Variants in MTMR8 observed in about 807,000 individuals in gnomAD.
The protein encoded by MTMR8 is phosphatidylinositol-3,5-bisphosphate 3-phosphatase MTMR8.
Under a neutral mutation model 39.3 loss-of-function variants are expected in MTMR8, and 65 were observed. The observed-to-expected ratio is 1.65, with a 90% CI of 1.35 to 2.03. MTMR8 has a LOEUF of 2.03. MTMR8 is among the 30% of genes most tolerant of loss of function. The probability of loss-of-function intolerance (pLI) is 0.00; values close to 1 mark genes in which losing one functional copy is unlikely to be tolerated. For synonymous variants in MTMR8, 245 were observed against 185.2 expected (o/e 1.32, Z -2.62); for missense variants, 777 against 538.9 (o/e 1.44, Z -4.37).
At chrX:64,286,987 A>C (rs1204923157) in intron 12 of MTMR8, among the ~76,000 whole-genome samples, 8 of 111,423 alleles carry the variant, frequency 7.2e-5, no homozygotes, top group Admixed American at 2.9e-4. Flanking sequence ...AGAAAGAAAT[A>C]AAGGGTATTC....
rs192477578 is a variant in MTMR8 at position 64,331,909 on chromosome X, G to A, written c.1152-152C>T. On this transcript the variant is annotated intron_variant, in intron 10 of 13. Coordinates refer to ENST00000374852, the MANE Select transcript of MTMR8 (RefSeq NM_017677.4). ...AATGCCAGCCAGAATCTCAAAGCTA[G>A]TCAATCCCAGCAGACCTCTTAGCTG... The A allele has an allele frequency of 5.3e-5, 25 of 471,971 alleles. 1 individual carries two copies. In the African/African-American group the frequency reaches 5.3e-4, roughly 10 times the overall value. 38.9% of individuals were successfully genotyped at this position (471,971 alleles called of 1,213,427 possible).
At chrX:64,351,846 T>C (rs1364887754) in intron 4 of MTMR8, among the ~76,000 whole-genome samples, 1 of 111,226 alleles carries the variant, frequency 9.0e-6, no homozygotes, top group Non-Finnish European at 1.9e-5. Context: ...GCCTGCTTTT[T>C]CTAGCTGCAC....
intron 4 of MTMR8, among the ~76,000 whole-genome samples, chrX:64,352,374 TCA>T (rs1039222197): frequency 4.5e-5 from 5 of 111,428 alleles, no homozygotes; most frequent in African/African-American, 1.6e-4. Flanking sequence ...CGGTAATAAA[TCA>T]CAGTCATAAG....
chrX:64,288,141 G>T (rs1921262488), intron 12 of MTMR8, among the ~76,000 whole-genome samples: 1 of 98,388 alleles, frequency 1.0e-5, no homozygotes, highest in Non-Finnish European at 2.0e-5. Flanking sequence ...GAATCTAAAA[G>T]AACTCACAAA....
At chrX:64,382,161 G>A (rs980134268) in intron 1 of MTMR8, among the ~76,000 whole-genome samples, 3 of 111,547 alleles carry the variant, frequency 2.7e-5, no homozygotes, top group African/African-American at 6.5e-5. Context: ...TAGATTGATG[G>A]GGATGGCATT....
intron 12 of MTMR8, among the ~76,000 whole-genome samples, chrX:64,291,263 C>A (rs1448585154): frequency 9.0e-6 from 1 of 110,791 alleles, no homozygotes; most frequent in Non-Finnish European, 1.9e-5. Context: ...GCCTGCCTGT[C>A]TTGCATACCC....
intron 4 of MTMR8, among the ~76,000 whole-genome samples, chrX:64,352,990 T>A (rs1355505078): frequency 8.9e-6 from 1 of 111,840 alleles, no homozygotes; most frequent in Non-Finnish European, 1.9e-5. Context: ...CTTTATGATA[T>A]GGCTTCACTT....
intron 12 of MTMR8, among the ~76,000 whole-genome samples, chrX:64,282,754 A>G (rs980365744): frequency 9.0e-6 from 1 of 111,668 alleles, no homozygotes; most frequent in African/African-American, 3.3e-5. Flanking sequence ...GTATCAAAAT[A>G]CACTATCAGA....
At chrX:64,306,311 G>C (rs778131174) in intron 12 of MTMR8, 11 of 296,826 alleles carry the variant, frequency 3.7e-5, no homozygotes, top group Non-Finnish European at 6.7e-6. Context: ...CTTGTTCAGA[G>C]GTTCTAGATG....
chrX:64,287,882 A>T (rs1366386482), intron 12 of MTMR8, among the ~76,000 whole-genome samples: 3 of 105,579 alleles, frequency 2.8e-5, no homozygotes, highest in African/African-American at 6.8e-5. Context: ...AACCTAGACA[A>T]TACCTTTCAG....
At chrX:64,319,475 G>A (rs919733771) in intron 12 of MTMR8, among the ~76,000 whole-genome samples, 9 of 112,043 alleles carry the variant, frequency 8.0e-5, no homozygotes, top group Non-Finnish European at 1.3e-4. Context: ...TGAAGTCCTT[G>A]CCCATGCCTA....
At chrX:64,326,469 A>C (rs1012111296) in intron 12 of MTMR8, among the ~76,000 whole-genome samples, 1 of 111,998 alleles carries the variant, frequency 8.9e-6, no homozygotes, top group African/African-American at 3.2e-5. Context: ...ACATATACTT[A>C]GGGATAAGTT....
At chrX:64,269,065 G>A (rs773259890) in intron 13 of MTMR8, 22 bp from the exon 14 acceptor site, 31 of 1,192,285 alleles carry the variant, frequency 2.6e-5, no homozygotes, top group Non-Finnish European at 3.3e-5. Flanking sequence ...GCAAGAAAGG[G>A]TTGAGAAGAA....
chrX:64,360,908 T>C (rs1261009531), intron 1 of MTMR8, among the ~76,000 whole-genome samples: 1 of 110,819 alleles, frequency 9.0e-6, no homozygotes, highest in African/African-American at 3.3e-5. Context: ...AACAGAGAAA[T>C]AAGATGATAA....
chrX:64,319,877 G>A lies in MTMR8; in HGVS notation c.1481+8895C>T, dbSNP rs960940258. On this transcript the variant is annotated intron_variant, in intron 12 of 13. Coordinates refer to ENST00000374852, the MANE Select transcript of MTMR8 (RefSeq NM_017677.4). Reference sequence around the variant, plus strand: ...TGTTCTTTTGGCTTGGGATTGACTCGGTGATGCGGGCTCTTTTTTGGTTCC... The same window carrying A: ...TGTTCTTTTGGCTTGGGATTGACTCAGTGATGCGGGCTCTTTTTTGGTTCC... Among the ~76,000 whole-genome samples, 7 of 111,011 alleles carry A rather than the reference G, an allele frequency of 6.3e-5. No homozygotes were observed. In the East Asian group the frequency reaches 8.4e-4, roughly 13 times the overall value.
At chrX:64,381,676 C>T (rs938872328) in intron 1 of MTMR8, among the ~76,000 whole-genome samples, 2 of 110,937 alleles carry the variant, frequency 1.8e-5, no homozygotes, top group African/African-American at 3.3e-5. Context: ...GAAGTCCTTG[C>T]CCATGCCTAT....
intron 12 of MTMR8, among the ~76,000 whole-genome samples, chrX:64,284,155 G>T (rs1399589311): frequency 8.9e-6 from 1 of 112,159 alleles, no homozygotes; most frequent in Non-Finnish European, 1.9e-5. Flanking sequence ...GAAAACCATG[G>T]CACAAGAACT....
intron 12 of MTMR8, among the ~76,000 whole-genome samples, chrX:64,271,687 A>G (rs1004891556): frequency 1.8e-5 from 2 of 112,417 alleles, no homozygotes; most frequent in African/African-American, 6.5e-5. Flanking sequence ...CACACCTAAC[A>G]TCCCAACTTC....
chrX:64,388,134 T>C (rs1924609331), intron 1 of MTMR8, among the ~76,000 whole-genome samples: 1 of 111,895 alleles, frequency 8.9e-6, no homozygotes, highest in Admixed American at 9.4e-5. Flanking sequence ...CCATCTACTG[T>C]CCTGATTTGC....
Sources: allele counts gnomAD v4.1 joint callset (sites outside exome capture counted in the v4.1 genomes callset), GRCh38; gene constraint gnomAD v4.1.1; transcripts MANE v1.5; gene names NCBI Gene and HGNC (gene_info 2026-07-23, HGNC 2026-07-21).